ZNF438: variants seen among roughly 807,000 people sequenced by gnomAD.
ZNF438 encodes the protein zinc finger protein 438.
ZNF438 carries 25 observed loss-of-function variants against 38.0 expected under a neutral mutation model. The observed-to-expected ratio is 0.66, with a 90% CI of 0.48 to 0.92. The LOEUF (loss-of-function observed/expected upper bound fraction) is 0.92, where lower values mean the gene tolerates loss of function less well. Ranked by LOEUF, ZNF438 falls within the 40% of genes least tolerant of loss-of-function variation. The probability of loss-of-function intolerance (pLI) is 0.00; values close to 1 mark genes in which losing one functional copy is unlikely to be tolerated. For missense variants in ZNF438, 1,007 were observed against 999.6 expected (o/e 1.01, Z -0.10); for synonymous variants, 372 against 364.1 (o/e 1.02, Z -0.25).
chr10:30,929,762 A>T (rs923711885), intron 2 of ZNF438, among the ~76,000 whole-genome samples: 2 of 152,328 alleles, frequency 1.3e-5, no homozygotes, highest in South Asian at 2.1e-4. Flanking sequence ...CAGAGTGCTG[A>T]TTGGTGCATT....
At chr10:31,030,381 T>G (rs2057209063) in intron 1 of ZNF438, among the ~76,000 whole-genome samples, 1 of 152,222 alleles carries the variant, frequency 6.6e-6, no homozygotes, top group African/African-American at 2.4e-5. Flanking sequence ...GGCTGTCTTC[T>G]TTGCTGCTCT....
At chr10:30,992,099 T>C (rs2053561779) in intron 1 of ZNF438, among the ~76,000 whole-genome samples, 1 of 152,212 alleles carries the variant, frequency 6.6e-6, no homozygotes, top group Admixed American at 6.5e-5. Context: ...AACAAACTTC[T>C]TGCCATCTGC....
At chr10:31,009,247 G>A in intron 1 of ZNF438, among the ~76,000 whole-genome samples, 1 of 152,148 alleles carries the variant, frequency 6.6e-6, no homozygotes. Flanking sequence ...TAGATAGATT[G>A]TGTGTTGCTA....
intron 2 of ZNF438, among the ~76,000 whole-genome samples, chr10:30,939,744 G>A (rs1007610812): frequency 1.3e-5 from 2 of 152,142 alleles, no homozygotes; most frequent in Admixed American, 6.5e-5. Flanking sequence ...TGTTCAACCT[G>A]CCCAGAAACT....
intron 1 of ZNF438, among the ~76,000 whole-genome samples, chr10:30,981,387 T>C (rs950649001): frequency 3.3e-5 from 5 of 152,168 alleles, no homozygotes; most frequent in Non-Finnish European, 7.3e-5. Context: ...TGACAGCATT[T>C]CCTGGGAGCT....
intron 3 of ZNF438, among the ~76,000 whole-genome samples, chr10:30,881,056 C>T (rs1429710995): frequency 1.3e-5 from 2 of 152,162 alleles, no homozygotes; most frequent in East Asian, 3.8e-4. Flanking sequence ...AGACTGAATG[C>T]TTTCCCTCCA....
chr10:30,927,107 G>A (rs940960585), intron 2 of ZNF438, among the ~76,000 whole-genome samples: 1 of 152,204 alleles, frequency 6.6e-6, no homozygotes, highest in African/African-American at 2.4e-5. Flanking sequence ...CACTTAACGT[G>A]CCAAGACAAG....
intron 4 of ZNF438, among the ~76,000 whole-genome samples, chr10:30,858,095 G>A (rs1442768089): frequency 6.6e-6 from 1 of 152,218 alleles, no homozygotes; most frequent in African/African-American, 2.4e-5. Flanking sequence ...AGTGCAGAAG[G>A]GAGCAGGCAG....
At chr10:31,017,747 T>G (rs554952122) in intron 1 of ZNF438, among the ~76,000 whole-genome samples, 23 of 152,224 alleles carry the variant, frequency 1.5e-4, no homozygotes, top group Non-Finnish European at 2.9e-4. Flanking sequence ...GGACAGGCCA[T>G]GTGACTTGAG....
intron 4 of ZNF438, chr10:30,875,539 G>C (rs546390004): frequency 2.0e-6 from 2 of 985,406 alleles, no homozygotes; most frequent in East Asian, 1.1e-4. Flanking sequence ...TACCAGCTAG[G>C]ACACTGAATT....
intron 1 of ZNF438, among the ~76,000 whole-genome samples, chr10:30,950,161 C>T (rs1338063186): frequency 8.0e-5 from 12 of 149,798 alleles, no homozygotes; most frequent in Admixed American, 2.0e-4. Flanking sequence ...GGGTACATAA[C>T]GAAATGAAGG....
intron 1 of ZNF438, among the ~76,000 whole-genome samples, chr10:30,984,751 C>T (rs1372959118): frequency 1.3e-5 from 2 of 152,152 alleles, no homozygotes; most frequent in Admixed American, 6.5e-5. Context: ...AATTAGTAAA[C>T]AGTCACAAAC....
At chr10:30,849,467 T>G in exon 5 of ZNF438, 4 of 1,614,220 alleles carry the variant, frequency 2.5e-6, no homozygotes, top group Non-Finnish European at 3.4e-6. Flanking sequence ...ACCTGCAATG[T>G]TAGCATCTGA....
intron 1 of ZNF438, among the ~76,000 whole-genome samples, chr10:31,012,217 G>A (rs2055774564): frequency 6.6e-6 from 1 of 150,814 alleles, no homozygotes; most frequent in Non-Finnish European, 1.5e-5. Context: ...TCCACCTCCT[G>A]GGTTCACGCC....
chr10:30,973,955 C>T (rs567172849), intron 1 of ZNF438, among the ~76,000 whole-genome samples: 1 of 152,342 alleles, frequency 6.6e-6, no homozygotes, highest in East Asian at 1.9e-4. Context: ...CATCGTGTTA[C>T]TGCCCTTGTG....
At chr10:30,955,216 T>C (rs898661899) in intron 1 of ZNF438, among the ~76,000 whole-genome samples, 3 of 152,152 alleles carry the variant, frequency 2.0e-5, no homozygotes, top group African/African-American at 7.2e-5. Flanking sequence ...GAAAATAATT[T>C]TGGGATTCTT....
intron 3 of ZNF438, among the ~76,000 whole-genome samples, chr10:30,882,909 A>C (rs1164501462): frequency 1.3e-5 from 2 of 152,160 alleles, no homozygotes; most frequent in African/African-American, 4.8e-5. Flanking sequence ...ATTGGGAAAA[A>C]ATTTAAAAAT....
At chr10:31,021,061 T>A (rs1412392822) in intron 1 of ZNF438, among the ~76,000 whole-genome samples, 1 of 150,610 alleles carries the variant, frequency 6.6e-6, no homozygotes, top group African/African-American at 2.4e-5. Flanking sequence ...CAACTTTTTT[T>A]TTTTTTTTTT....
intron 2 of ZNF438, among the ~76,000 whole-genome samples, chr10:30,913,427 T>C (rs1413640484): frequency 6.6e-6 from 1 of 152,060 alleles, no homozygotes; most frequent in Admixed American, 6.6e-5. Flanking sequence ...TTTAAAATGC[T>C]ATTTCTTCCT....
Sources: gnomAD v4.1 joint callset for allele counts (sites outside exome capture counted in the v4.1 genomes callset) on GRCh38, gnomAD v4.1.1 for gene constraint, MANE v1.5 for transcripts, NCBI Gene and HGNC (gene_info 2026-07-23, HGNC 2026-07-21) for gene names.